FGGY: variants seen among roughly 807,000 people sequenced by gnomAD.
FGGY encodes FGGY carbohydrate kinase domain-containing protein.
Under a neutral mutation model 71.3 loss-of-function variants are expected in FGGY, and 72 were observed. That is an observed-to-expected ratio of 1.01 (90% confidence interval 0.84 to 1.23). The LOEUF is 1.23. Ranked by LOEUF, FGGY falls within the 50% of genes most tolerant of loss-of-function variation. The pLI is 0.00. For missense variants in FGGY, 668 were observed against 682.3 expected, an observed-to-expected ratio of 0.98 and a Z score of 0.23; for synonymous variants, 251 against 250.3, an observed-to-expected ratio of 1.00 and a Z score of -0.02.
chr1:59,365,420 C>G (rs1450358823), intron 4 of FGGY, among the ~76,000 whole-genome samples: 1 of 152,194 alleles, frequency 6.6e-6, no homozygotes, highest in Non-Finnish European at 1.5e-5. Flanking sequence ...TTCACCCTTT[C>G]CAAAGCCTTC....
chr1:59,637,760 T>C (rs2096976254), intron 10 of FGGY, among the ~76,000 whole-genome samples: 1 of 152,224 alleles, frequency 6.6e-6, no homozygotes, highest in Non-Finnish European at 1.5e-5. Context: ...TCTCTCCATT[T>C]ATCAACTCAT....
chr1:59,692,909 ACT>A (rs2097606011), intron 14 of FGGY, among the ~76,000 whole-genome samples: 1 of 152,132 alleles, frequency 6.6e-6, no homozygotes. Flanking sequence ...GGTGGAAGAA[ACT>A]CTGGACTTGG....
At chr1:59,753,193 A>G (rs2098260615) in intron 14 of FGGY, among the ~76,000 whole-genome samples, 1 of 152,086 alleles carries the variant, frequency 6.6e-6, no homozygotes, top group South Asian at 2.1e-4. Flanking sequence ...TGTGGGGGTG[A>G]CTATATTTAG....
chr1:59,746,293 A>C (rs565860353), intron 14 of FGGY, among the ~76,000 whole-genome samples: 1 of 152,296 alleles, frequency 6.6e-6, no homozygotes, highest in Non-Finnish European at 1.5e-5. Context: ...TGGAAATGAT[A>C]ATGAGGAGGC....
intron 14 of FGGY, among the ~76,000 whole-genome samples, chr1:59,695,979 A>T (rs1223260397): frequency 1.3e-5 from 2 of 152,184 alleles, no homozygotes; most frequent in Admixed American, 1.3e-4. Flanking sequence ...ACCATATGTC[A>T]GTCTCCCAAG....
intron 2 of FGGY, among the ~76,000 whole-genome samples, chr1:59,337,208 G>A (rs1350317731): frequency 6.6e-6 from 1 of 152,036 alleles, no homozygotes; most frequent in Non-Finnish European, 1.5e-5. Context: ...AGCCGACAAT[G>A]CAGTCCTGAA....
intron 2 of FGGY, among the ~76,000 whole-genome samples, chr1:59,338,417 C>T (rs767796141): frequency 2.0e-5 from 3 of 152,084 alleles, no homozygotes; most frequent in Non-Finnish European, 4.4e-5. Flanking sequence ...GGTACCATCT[C>T]TTCCTTAAAT....
chr1:59,586,518 G>C (rs1475657407), intron 8 of FGGY, among the ~76,000 whole-genome samples: 1 of 152,098 alleles, frequency 6.6e-6, no homozygotes, highest in Non-Finnish European at 1.5e-5. Context: ...GGGGTCGGGG[G>C]AGTGGGGAGG....
chr1:59,333,191 T>C (rs1214104937), intron 2 of FGGY, among the ~76,000 whole-genome samples: 1 of 152,180 alleles, frequency 6.6e-6, no homozygotes, highest in Non-Finnish European at 1.5e-5. Flanking sequence ...TCATCTATAT[T>C]TTCTCACCCA....
chr1:59,708,568 C>T (rs1158341461), intron 14 of FGGY, among the ~76,000 whole-genome samples: 3 of 152,134 alleles, frequency 2.0e-5, no homozygotes, highest in Non-Finnish European at 4.4e-5. Flanking sequence ...ACATGCTGAA[C>T]TCTAATTATA....
In FGGY at chr1:59,697,981, A is replaced by G. The variant is rs139574655; in HGVS notation, c.1512+23848A>G. On this transcript the variant is annotated intron_variant, in intron 14 of 15. Coordinates refer to ENST00000303721, the MANE Select transcript of FGGY (RefSeq NM_018291.5). The stretch of plus-strand genomic sequence containing the variant: ...TGAGCCTCAGTTCTGTAATCTGTAC[A>G]TAGAGATAATAATACTTTTATCAAA... Among the ~76,000 whole-genome samples, 35 of 152,318 alleles carry G rather than the reference A, an allele frequency of 2.3e-4. No homozygotes were observed. In the East Asian group the frequency reaches 4.1e-3, roughly 18 times the overall value.
rs146332499 is a variant in FGGY at position 59,453,302 on chromosome 1, C to G, written c.555-3659C>G. On this transcript the variant is annotated intron_variant, in intron 5 of 15. Coordinates refer to ENST00000303721, the MANE Select transcript of FGGY (RefSeq NM_018291.5). ...TAGTCATCTTCACTCCAGGCATACT[C>G]TCTTATTTTAACTTCTTGTAAAGAC... 2.6e-5 allele frequency among the ~76,000 whole-genome samples: 4 copies of G among 152,306 alleles called. No individual in the cohort carries two copies. The East Asian group carries it at 7.7e-4, about 29-fold the overall frequency.
In FGGY at chr1:59,477,414, A is replaced by G. The variant is rs2093311019; in HGVS notation, c.670+20338A>G. On this transcript the variant is annotated intron_variant, in intron 6 of 15. Transcript: ENST00000303721. ...GGTCAGGGTGGCAGGTCACCAGTTG[A>G]CTAATGGCCTCCTCCAAGGTTTGCT... Among the ~76,000 whole-genome samples, 3 of 152,104 alleles carry G rather than the reference A, an allele frequency of 2.0e-5. No homozygotes were observed. The South Asian group carries it at 6.2e-4, about 32-fold the overall frequency.
At chr1:59,306,315 A>C (rs2043435624) in intron 1 of FGGY, among the ~76,000 whole-genome samples, 1 of 152,196 alleles carries the variant, frequency 6.6e-6, no homozygotes, top group Non-Finnish European at 1.5e-5. Flanking sequence ...TTACCACTTC[A>C]AGGTGCTAAG....
intron 7 of FGGY, among the ~76,000 whole-genome samples, chr1:59,550,492 C>T (rs1248113833): frequency 6.6e-6 from 1 of 152,010 alleles, no homozygotes; most frequent in Non-Finnish European, 1.5e-5. Context: ...TAGAGAACCT[C>T]TTGAGGGGAA....
rs555201706 is a variant in FGGY, at chr1:59,324,478, G to A, written c.201+2728G>A. ...TTTTTAGTAGAGACGGGGTTTCACCGTTTTAGCCGGGATGGTCTCGATCTC... is the reference window on the plus strand; with the variant it reads ...TTTTTAGTAGAGACGGGGTTTCACCATTTTAGCCGGGATGGTCTCGATCTC... On this transcript the variant is annotated intron_variant, in intron 2 of 15. Transcript: ENST00000303721. Among the ~76,000 whole-genome samples, 594 of 150,896 alleles carry A rather than the reference G, an allele frequency of 3.9e-3. 5 individuals are homozygous for A. The highest frequency in any genetic ancestry group is 0.011 in the Admixed American group (167 of 15,172).
intron 6 of FGGY, among the ~76,000 whole-genome samples, chr1:59,505,386 C>T (rs57111247): frequency 0.012 from 1,790 of 152,272 alleles, 34 homozygotes; most frequent in African/African-American, 0.041. Context: ...TTTTGTTTCC[C>T]CACCCCTAAA....
intron 14 of FGGY, among the ~76,000 whole-genome samples, chr1:59,674,571 A>G (rs530232699): frequency 1.1e-4 from 17 of 152,212 alleles, no homozygotes; most frequent in Non-Finnish European, 2.2e-4. Context: ...TATGAAATAA[A>G]AAAGGAATTA....
intron 1 of FGGY, among the ~76,000 whole-genome samples, chr1:59,305,792 A>C (rs2043352932): frequency 6.6e-6 from 1 of 152,206 alleles, no homozygotes; most frequent in Non-Finnish European, 1.5e-5. Context: ...CTTCTGCCTC[A>C]GATTGTTTTC....
Sources: gnomAD v4.1 joint callset for allele counts (sites outside exome capture counted in the v4.1 genomes callset) on GRCh38, gnomAD v4.1.1 for gene constraint, MANE v1.5 for transcripts, NCBI Gene and HGNC (gene_info 2026-07-23, HGNC 2026-07-21) for gene names.